The following IGF1R variants were observed in gnomAD, a reference collection of about 807,000 sequenced individuals.
IGF1R encodes the protein insulin like growth factor 1 receptor.
Under a neutral mutation model 144.6 loss-of-function variants are expected in IGF1R, and 44 were observed. That is an observed-to-expected ratio of 0.30 (90% CI 0.24 to 0.39). IGF1R has a LOEUF of 0.39. Ranked by LOEUF, IGF1R falls within the 10% of genes least tolerant of loss-of-function variation. IGF1R has a pLI of 1.00. For missense variants in IGF1R, 1,355 were observed against 1,833.7 expected, an observed-to-expected ratio of 0.74 and a Z score of 4.77; for synonymous variants, 795 against 722.8, an observed-to-expected ratio of 1.10 and a Z score of -1.60.
chr15:98,696,921 T>C (rs1596198953), intron 1 of IGF1R, among the ~76,000 whole-genome samples: 1 of 152,262 alleles, frequency 6.6e-6, no homozygotes, highest in South Asian at 2.1e-4. Flanking sequence ...CTGGTCTTAG[T>C]AGAAATCGTA....
At chr15:98,695,429 A>C (rs939614680) in intron 1 of IGF1R, among the ~76,000 whole-genome samples, 1 of 152,174 alleles carries the variant, frequency 6.6e-6, no homozygotes, top group Non-Finnish European at 1.5e-5. Flanking sequence ...TGGCTGTAGC[A>C]TCCTTGTCAG....
chr15:98,895,743 A>G (rs1450438276), intron 3 of IGF1R, among the ~76,000 whole-genome samples: 8 of 152,262 alleles, frequency 5.3e-5, no homozygotes, highest in Non-Finnish European at 8.8e-5. Flanking sequence ...GACATTAATA[A>G]AAAGAGCTAT....
At chr15:98,794,256 G>T (rs1232212900) in intron 2 of IGF1R, among the ~76,000 whole-genome samples, 1 of 152,204 alleles carries the variant, frequency 6.6e-6, no homozygotes, top group Non-Finnish European at 1.5e-5. Flanking sequence ...TTATTAGATG[G>T]CCCTCAAAGG....
chr15:98,810,301 T>TA (rs2056558547), intron 2 of IGF1R, among the ~76,000 whole-genome samples: 2 of 152,308 alleles, frequency 1.3e-5, no homozygotes, highest in South Asian at 4.1e-4. Context: ...TTTGTCCAGT[T>TA]ACTGTGTCTA....
chr15:98,795,630 A>C (rs7178694), intron 2 of IGF1R, among the ~76,000 whole-genome samples: 3,234 of 152,208 alleles, frequency 0.021, 117 homozygotes, highest in African/African-American at 0.073. Context: ...GTTAGCCAGG[A>C]TGGTCTTGAT....
intron 1 of IGF1R, among the ~76,000 whole-genome samples, chr15:98,672,912 C>T (rs2052934813): frequency 1.3e-5 from 2 of 152,180 alleles, no homozygotes; most frequent in Non-Finnish European, 2.9e-5. Flanking sequence ...TCCTAATGTC[C>T]AGCTTCCTCT....
At chr15:98,903,879 CA>C (rs2014599115) in intron 5 of IGF1R, among the ~76,000 whole-genome samples, 1 of 152,012 alleles carries the variant, frequency 6.6e-6, no homozygotes, top group Non-Finnish European at 1.5e-5. Context: ...GCAGAAAAGG[CA>C]AAACTATAGA....
Position 98,908,862 on chromosome 15 carries a change from G to T in IGF1R, c.1425G>T (p.Gly475=). The T allele has an allele frequency of 6.2e-7, 1 of 1,614,110 alleles. No individual in the cohort carries two copies. The highest frequency in any genetic ancestry group is 8.5e-7 in the Non-Finnish European group (1 of 1,179,988). The change falls in exon 6 of 21, where the codon GGG becomes GGT. Residue 475 remains glycine (G), a synonymous_variant. Transcript: ENST00000650285. The part of the protein sequence containing the change: ...VTGTKGRQSK[G]DINTRNNGER... ...GGACTAAAGGGCGCCAAAGCAAAGGGGACATAAACACCAGGAACAACGGGG... is the reference window on the plus strand; with the variant it reads ...GGACTAAAGGGCGCCAAAGCAAAGGTGACATAAACACCAGGAACAACGGGG...
At chr15:98,913,005 C>G in intron 7 of IGF1R, 39 bp from the exon 8 acceptor site, 1 of 1,462,054 alleles carries the variant, frequency 6.8e-7, no homozygotes, top group African/African-American at 1.4e-5. Context: ...GTTTTGATGT[C>G]AGAGCCCCGA....
intron 1 of IGF1R, among the ~76,000 whole-genome samples, chr15:98,695,647 A>T (rs116876846): frequency 3.3e-5 from 5 of 152,278 alleles, no homozygotes; most frequent in Admixed American, 6.5e-5. Context: ...AGGCTTACAC[A>T]ATCTCAGAAA....
At chr15:98,939,111 G>C (rs2151713571) in intron 17 of IGF1R, 90 bp from the exon 18 acceptor site, 1 of 1,103,190 alleles carries the variant, frequency 9.1e-7, no homozygotes, top group Non-Finnish European at 1.4e-6. Flanking sequence ...TGCCCAGATT[G>C]AACAAAGATG....
chr15:98,920,055 A>T (rs2015419419), intron 10 of IGF1R, among the ~76,000 whole-genome samples: 1 of 152,200 alleles, frequency 6.6e-6, no homozygotes, highest in East Asian at 1.9e-4. Flanking sequence ...CCTTTCTTTG[A>T]CTACTGTCTT....
intron 1 of IGF1R, among the ~76,000 whole-genome samples, chr15:98,673,968 T>C (rs953985552): frequency 1.3e-5 from 2 of 152,226 alleles, no homozygotes; most frequent in African/African-American, 4.8e-5. Context: ...GTTTCTCTTG[T>C]CTAGAGAAGC....
intron 2 of IGF1R, among the ~76,000 whole-genome samples, chr15:98,849,389 A>G (rs1453651654): frequency 6.6e-6 from 1 of 152,222 alleles, no homozygotes; most frequent in Admixed American, 6.5e-5. Context: ...AGGTTCATAC[A>G]TTATACCATG....
At chr15:98,659,249 T>C (rs556705984) in intron 1 of IGF1R, among the ~76,000 whole-genome samples, 8 of 152,340 alleles carry the variant, frequency 5.3e-5, no homozygotes, top group Non-Finnish European at 8.8e-5. Flanking sequence ...ATTTTTTTTT[T>C]CAGTAAACGA....
chr15:98,880,366 T>C (rs1459879776), intron 2 of IGF1R, among the ~76,000 whole-genome samples: 1 of 152,228 alleles, frequency 6.6e-6, no homozygotes, highest in African/African-American at 2.4e-5. Context: ...CTTGCCCTTT[T>C]TGTGGTGTTT....
In IGF1R at chr15:98,948,555, A is replaced by C; in HGVS notation, c.3588-19A>C. 1 of 1,613,332 alleles carries C rather than the reference A, an allele frequency of 6.2e-7. No individual in the cohort carries two copies. The highest frequency in any genetic ancestry group is 8.5e-7 in the Non-Finnish European group (1 of 1,179,842). ...GTCCATCCCTTTCCAAGCTCCTCAC[A>C]GTTTTTTTCTCCCTGTAGGTCCTTC... is the stretch of plus-strand genomic sequence containing the variant. On this transcript the variant is annotated intron_variant, in intron 19 of 20. Coordinates refer to ENST00000650285, the MANE Select transcript of IGF1R (RefSeq NM_000875.5).
chr15:98,826,489 G>A (rs146353506), intron 2 of IGF1R, among the ~76,000 whole-genome samples: 4 of 152,312 alleles, frequency 2.6e-5, no homozygotes, highest in African/African-American at 7.2e-5. Flanking sequence ...TATCGTTGAA[G>A]GGCATTTTCA....
At chr15:98,884,791 G>A (rs2013558749) in intron 2 of IGF1R, among the ~76,000 whole-genome samples, 1 of 151,856 alleles carries the variant, frequency 6.6e-6, no homozygotes, top group Admixed American at 6.6e-5. Context: ...TCTTGATCTG[G>A]GCTACTGAGG....
Sources: gnomAD v4.1 joint callset for allele counts (sites outside exome capture counted in the v4.1 genomes callset) on GRCh38, gnomAD v4.1.1 for gene constraint, MANE v1.5 for transcripts, NCBI Gene and HGNC (gene_info 2026-07-23, HGNC 2026-07-21) for gene names.